The following SAV1 variants were observed in gnomAD, a reference collection of about 807,000 sequenced individuals.
SAV1 encodes the protein protein salvador homolog 1.
A neutral mutation model predicts 47.3 loss-of-function variants in SAV1; 23 were observed. The ratio of observed to expected loss-of-function variants is 0.49; its 90% CI spans 0.35 to 0.69. SAV1 has a LOEUF of 0.69. Ranked by LOEUF, SAV1 falls within the 30% of genes least tolerant of loss-of-function variation. SAV1 has a pLI of 0.01. For synonymous variants in SAV1, 155 were observed against 159.2 expected (o/e 0.97, Z 0.20); for missense variants, 448 against 457.4 (o/e 0.98, Z 0.19).
chr14:50,667,207 A>G (rs1325492371), intron 1 of SAV1, among the ~76,000 whole-genome samples: 6 of 139,180 alleles, frequency 4.3e-5, no homozygotes, highest in Admixed American at 2.8e-4. Flanking sequence ...CTACCCTATT[A>G]AAAAAAAAAA....
chr14:50,664,249 TA>T (rs2039882800), intron 2 of SAV1: 1 of 152,112 alleles, frequency 6.6e-6, no homozygotes, highest in South Asian at 2.1e-4. Context: ...GCTAGACACA[TA>T]AACAGTTAAT....
chr14:50,649,206 T>G (rs1359821277), intron 2 of SAV1, among the ~76,000 whole-genome samples: 1 of 152,250 alleles, frequency 6.6e-6, no homozygotes, highest in Non-Finnish European at 1.5e-5. Flanking sequence ...AGCTTATTCT[T>G]ACTATGGCAG....
At chr14:50,642,547 G>A (rs1417162782) in intron 3 of SAV1, among the ~76,000 whole-genome samples, 8 of 151,240 alleles carry the variant, frequency 5.3e-5, no homozygotes, top group African/African-American at 1.7e-4. Context: ...CTTATTACCC[G>A]GGTGATAATC....
chr14:50,644,783 G>A lies in SAV1; in HGVS notation c.767C>T (p.Thr256Ile). The change falls in exon 3 of 5, where the codon ACA (threonine) becomes ATA (isoleucine). Residue 256 changes from threonine (T) to isoleucine (I), a missense_variant. Coordinates refer to ENST00000324679, the MANE Select transcript of SAV1 (RefSeq NM_021818.4). The part of the protein sequence containing the change: ...SEFGTYYVDH[T>I]NKKAQYRHPC... ...ATGCCTGTATTGGGCCTTCTTATTT[G>A]TGTGATCTACATAATAGGTTCCAAA... is the stretch of plus-strand genomic sequence containing the variant. 6.2e-7 allele frequency: 1 copy of A among 1,614,072 alleles called. No homozygotes were observed. Among genetic ancestry groups the A allele is most frequent in the Non-Finnish European group, 8.5e-7 (1 of 1,179,988 alleles).
chr14:50,654,608 T>G (rs1244108535), intron 2 of SAV1, among the ~76,000 whole-genome samples: 1 of 152,110 alleles, frequency 6.6e-6, no homozygotes, highest in Non-Finnish European at 1.5e-5. Context: ...CACAGAGACA[T>G]GAAATGCGCA....
chr14:50,656,006 T>C (rs1397771451), intron 2 of SAV1, among the ~76,000 whole-genome samples: 2 of 152,138 alleles, frequency 1.3e-5, no homozygotes, highest in African/African-American at 4.8e-5. Flanking sequence ...GATCGTGCCA[T>C]TGCACTCCAG....
chr14:50,655,069 T>C (rs563686799), intron 2 of SAV1, among the ~76,000 whole-genome samples: 1 of 152,338 alleles, frequency 6.6e-6, no homozygotes, highest in South Asian at 2.1e-4. Context: ...CTTAGGCTTC[T>C]ATTAAACTGC....
At position 50,662,315 on chromosome 14, in the gene SAV1, C is replaced by T. The variant is rs377653249; in HGVS notation, c.535+2864G>A. On this transcript the variant is annotated intron_variant, in intron 2 of 4. Transcript: ENST00000324679. ...TCCCAAGTAGCTGGGACTACAGGCG[C>T]CTGCCACCACGCCCGGCTAATTTTT... 1.4e-3 allele frequency among the ~76,000 whole-genome samples: 220 copies of T among 152,266 alleles called. 5 individuals are homozygous for T. The South Asian group carries it at 0.042, about 29-fold the overall frequency.
intron 2 of SAV1, among the ~76,000 whole-genome samples, chr14:50,652,672 A>C (rs572625681): frequency 6.6e-6 from 1 of 152,356 alleles, no homozygotes; most frequent in East Asian, 1.9e-4. Flanking sequence ...TCTTGGAGAA[A>C]CGGCTTCTGG....
At chr14:50,650,227 C>G (rs2039756115) in intron 2 of SAV1, among the ~76,000 whole-genome samples, 1 of 152,170 alleles carries the variant, frequency 6.6e-6, no homozygotes, top group Non-Finnish European at 1.5e-5. Flanking sequence ...GTCACTGCAG[C>G]AACATCTATA....
chr14:50,645,848 T>A (rs998742808), intron 2 of SAV1, among the ~76,000 whole-genome samples: 1 of 152,108 alleles, frequency 6.6e-6, no homozygotes, highest in Non-Finnish European at 1.5e-5. Context: ...AAGGTCACCA[T>A]ACAAAAATTA....
chr14:50,653,944 G>C (rs1377798637), intron 2 of SAV1, among the ~76,000 whole-genome samples: 1 of 151,800 alleles, frequency 6.6e-6, no homozygotes, highest in Non-Finnish European at 1.5e-5. Context: ...TTTAAAAAAA[G>C]TACAGGTCTT....
intron 3 of SAV1, among the ~76,000 whole-genome samples, chr14:50,644,380 A>C (rs2039703376): frequency 6.6e-6 from 1 of 152,250 alleles, no homozygotes; most frequent in Admixed American, 6.5e-5. Flanking sequence ...ATTCAATTGT[A>C]CATTCTGACT....
intron 1 of SAV1, among the ~76,000 whole-genome samples, chr14:50,666,411 C>G (rs1202955741): frequency 2.6e-5 from 4 of 152,066 alleles, no homozygotes; most frequent in African/African-American, 9.7e-5. Flanking sequence ...ACCTTTAAAA[C>G]AAGACAAAAA....
intron 4 of SAV1, among the ~76,000 whole-genome samples, chr14:50,640,155 T>C (rs1286715485): frequency 6.6e-6 from 1 of 152,100 alleles, no homozygotes; most frequent in Non-Finnish European, 1.5e-5. Flanking sequence ...TGCTAATTTT[T>C]AAATTTTTTA....
At chr14:50,651,635 A>T (rs2039770844) in intron 2 of SAV1, among the ~76,000 whole-genome samples, 1 of 152,072 alleles carries the variant, frequency 6.6e-6, no homozygotes, top group Non-Finnish European at 1.5e-5. Context: ...ATTTATTGTT[A>T]TTTATTTTTG....
At chr14:50,655,343 T>C (rs966390453) in intron 2 of SAV1, among the ~76,000 whole-genome samples, 12 of 152,132 alleles carry the variant, frequency 7.9e-5, no homozygotes, top group Admixed American at 5.2e-4. Flanking sequence ...ATAAAAGCCA[T>C]AATATTTTGG....
intron 3 of SAV1, 23 bp from the exon 4 acceptor site, chr14:50,640,916 C>A (rs2039676669): frequency 1.3e-6 from 2 of 1,577,646 alleles, no homozygotes; most frequent in South Asian, 2.4e-5. Context: ...GAGTGACATT[C>A]TTTAGGATAA....
At chr14:50,641,467 T>A (rs2039680627) in intron 3 of SAV1, among the ~76,000 whole-genome samples, 1 of 151,192 alleles carries the variant, frequency 6.6e-6, no homozygotes. Flanking sequence ...TATGGGAAAG[T>A]GTAAGGAAAG....
Sources: allele counts gnomAD v4.1 joint callset (sites outside exome capture counted in the v4.1 genomes callset), GRCh38; gene constraint gnomAD v4.1.1; transcripts MANE v1.5; gene names NCBI Gene and HGNC (gene_info 2026-07-23, HGNC 2026-07-21).